The following CDKAL1 variants were observed in gnomAD, a reference collection of about 807,000 sequenced individuals.
CDKAL1 encodes the protein threonylcarbamoyladenosine tRNA methylthiotransferase.
CDKAL1 carries 32 observed loss-of-function variants against 68.2 expected under a neutral mutation model. That is an observed-to-expected ratio of 0.47 (90% CI 0.35 to 0.63). The LOEUF is 0.63. Among genes scored for constraint, CDKAL1 ranks in the 30% least tolerant of loss-of-function variants. CDKAL1 has a pLI of 0.00. For synonymous variants in CDKAL1, 234 were observed against 244.3 expected (o/e 0.96, Z 0.39); for missense variants, 606 against 696.7 (o/e 0.87, Z 1.47).
chr6:20,971,751 AATCGTG>A (rs1393653096), intron 10 of CDKAL1, among the ~76,000 whole-genome samples: 1 of 152,208 alleles, frequency 6.6e-6, no homozygotes, highest in African/African-American at 2.4e-5. Flanking sequence ...AAATTAGTTG[AATCGTG>A]ATCATTCCAT....
At chr6:20,778,484 A>G (rs1289809350) in intron 7 of CDKAL1, among the ~76,000 whole-genome samples, 1 of 152,226 alleles carries the variant, frequency 6.6e-6, no homozygotes, top group Non-Finnish European at 1.5e-5. Flanking sequence ...GTAGACATTT[A>G]TATTAGTTGG....
At chr6:20,853,375 G>A (rs550863958) in intron 9 of CDKAL1, among the ~76,000 whole-genome samples, 7 of 132,856 alleles carry the variant, frequency 5.3e-5, no homozygotes, top group South Asian at 2.5e-4. Flanking sequence ...AGGGGATTTC[G>A]TCTCAAAAAA....
chr6:20,534,495 C>T lies in CDKAL1; in HGVS notation c.-129C>T, dbSNP rs997602138. 17 of 152,794 alleles carry T rather than the reference C, an allele frequency of 1.1e-4. No homozygotes were observed. Among genetic ancestry groups the T allele is most frequent in the African/African-American group, 3.9e-4 (16 of 41,442 alleles). The allele number at this position is 152,794 out of a possible 1,614,324, so 9.5% of individuals were successfully genotyped here. On this transcript the variant is annotated 5_prime_UTR_variant, in exon 1 of 16. Transcript: ENST00000274695. ...GGGACGTATGTGTCATGGCGCTCTC[C>T]ATCTAAAGTCTGTGCAGCTTCCGGA... is the stretch of plus-strand genomic sequence containing the variant.
chr6:20,540,659 T>G (rs1254533306), intron 2 of CDKAL1, among the ~76,000 whole-genome samples: 1 of 152,094 alleles, frequency 6.6e-6, no homozygotes, highest in Non-Finnish European at 1.5e-5. Context: ...TGTCACCATG[T>G]TGGCCAGGCT....
At chr6:20,681,241 C>T (rs1015104810) in intron 5 of CDKAL1, among the ~76,000 whole-genome samples, 7 of 152,170 alleles carry the variant, frequency 4.6e-5, no homozygotes, top group African/African-American at 1.7e-4. Context: ...ATAACAACTC[C>T]TAAGCATAAG....
intron 11 of CDKAL1, among the ~76,000 whole-genome samples, chr6:21,021,063 T>C (rs905585241): frequency 1.3e-5 from 2 of 152,128 alleles, no homozygotes; most frequent in African/African-American, 4.8e-5. Flanking sequence ...ATGGGAGTAA[T>C]CAAAATCACA....
Position 21,049,292 on chromosome 6 carries a change from T to G in CDKAL1, c.1056-15756T>G, listed in dbSNP as rs543697368. Reference sequence around the variant, plus strand: ...TCAGACATTTGCTGTAGTTTATGAATGTTAGAAATGTTTCATTTCCTTTTC... The same window carrying G: ...TCAGACATTTGCTGTAGTTTATGAAGGTTAGAAATGTTTCATTTCCTTTTC... On this transcript the variant is annotated intron_variant, in intron 11 of 15. Transcript: ENST00000274695. Among the ~76,000 whole-genome samples, 4 of 152,344 alleles carry G rather than the reference T, an allele frequency of 2.6e-5. 1 individual carries two copies. The East Asian group carries it at 7.7e-4, about 29-fold the overall frequency.
At chr6:20,543,300 C>G (rs1164739313) in intron 2 of CDKAL1, among the ~76,000 whole-genome samples, 9 of 152,190 alleles carry the variant, frequency 5.9e-5, no homozygotes, top group Non-Finnish European at 1.2e-4. Flanking sequence ...ATGAATGATG[C>G]AGTTTCTTTG....
At chr6:21,154,327 G>A (rs1426730091) in intron 13 of CDKAL1, among the ~76,000 whole-genome samples, 1 of 152,124 alleles carries the variant, frequency 6.6e-6, no homozygotes, top group Non-Finnish European at 1.5e-5. Flanking sequence ...AACAAAGTTG[G>A]CCCAGTACCC....
chr6:20,891,469 A>G (rs1418305079), intron 9 of CDKAL1, among the ~76,000 whole-genome samples: 4 of 151,738 alleles, frequency 2.6e-5, no homozygotes. Flanking sequence ...CCTGTCAGTC[A>G]TCCTTCGCTT....
chr6:20,748,555 GAAAAAAAAAAAAAAAAAA>G (rs760404728), intron 6 of CDKAL1, among the ~76,000 whole-genome samples: 55 of 28,756 alleles, frequency 1.9e-3, no homozygotes, highest in Non-Finnish European at 3.0e-3. Context: ...TCTGTTTCTG[GAAAAAAAAAAAAAAAAAA>G]AAAAAAAAAA....
At chr6:21,058,768 G>A (rs1237959192) in intron 11 of CDKAL1, among the ~76,000 whole-genome samples, 3 of 152,222 alleles carry the variant, frequency 2.0e-5, no homozygotes, top group Admixed American at 2.0e-4. Flanking sequence ...CAGCAAAGAT[G>A]GCTGCCTGCT....
At chr6:20,877,905 T>G (rs572895744) in intron 9 of CDKAL1, among the ~76,000 whole-genome samples, 32 of 152,248 alleles carry the variant, frequency 2.1e-4, no homozygotes, top group Non-Finnish European at 3.8e-4. Flanking sequence ...CCACCCCACT[T>G]CCTGCTGCTC....
intron 10 of CDKAL1, among the ~76,000 whole-genome samples, chr6:20,971,636 A>G (rs1765609087): frequency 6.6e-6 from 1 of 152,208 alleles, no homozygotes; most frequent in Non-Finnish European, 1.5e-5. Flanking sequence ...TTATAGCTTT[A>G]TTATTTTATT....
At chr6:20,738,265 A>G (rs1191393923) in intron 5 of CDKAL1, among the ~76,000 whole-genome samples, 2 of 152,168 alleles carry the variant, frequency 1.3e-5, no homozygotes, top group Non-Finnish European at 2.9e-5. Flanking sequence ...TGAAAATTTA[A>G]TTTTAAGATG....
At chr6:20,688,830 C>T (rs778544254) in intron 5 of CDKAL1, among the ~76,000 whole-genome samples, 41 of 152,136 alleles carry the variant, frequency 2.7e-4, no homozygotes, top group Admixed American at 1.6e-3. Context: ...TATCTAGACA[C>T]GAAGTACTGA....
At chr6:21,188,092 T>C (rs1392671831) in intron 13 of CDKAL1, among the ~76,000 whole-genome samples, 4 of 152,226 alleles carry the variant, frequency 2.6e-5, no homozygotes. Context: ...ACATTTATTG[T>C]TTTCTTACTG....
At chr6:20,639,912 G>A (rs1224243938) in intron 4 of CDKAL1, among the ~76,000 whole-genome samples, 12 of 152,162 alleles carry the variant, frequency 7.9e-5, no homozygotes, top group African/African-American at 1.4e-4. Context: ...CTCGTGATCC[G>A]CCCGCCTTGG....
At chr6:20,821,431 T>C (rs9465904) in intron 8 of CDKAL1, among the ~76,000 whole-genome samples, 44,957 of 151,892 alleles carry the variant, frequency 0.3, 7,060 homozygotes, top group East Asian at 0.53. Flanking sequence ...ATTATTTAAC[T>C]TTACCACTCC....
Sources: allele counts gnomAD v4.1 joint callset (sites outside exome capture counted in the v4.1 genomes callset), GRCh38; gene constraint gnomAD v4.1.1; transcripts MANE v1.5; gene names NCBI Gene and HGNC (gene_info 2026-07-23, HGNC 2026-07-21).